PCF11: variants seen among roughly 807,000 people sequenced by gnomAD.
PCF11 encodes pre-mRNA cleavage complex 2 protein Pcf11.
PCF11 carries 19 observed loss-of-function variants against 166.1 expected under a neutral mutation model. The ratio of observed to expected loss-of-function variants is 0.11; its 90% confidence interval spans 0.08 to 0.17. The LOEUF is 0.17. Ranked by LOEUF, PCF11 falls within the 10% of genes least tolerant of loss-of-function variation. The pLI, the probability that PCF11 is intolerant of heterozygous loss-of-function variation, is 1.00. For synonymous variants in PCF11, 663 were observed against 644.1 expected, an observed-to-expected ratio of 1.03 and a Z score of -0.44; for missense variants, 1,565 against 1,855.5, an observed-to-expected ratio of 0.84 and a Z score of 2.88.
intron 9 of PCF11, among the ~76,000 whole-genome samples, chr11:83,172,483 T>C (rs1590931636): frequency 6.6e-6 from 1 of 152,134 alleles, no homozygotes; most frequent in African/African-American, 2.4e-5. Flanking sequence ...AGTGCAGTAG[T>C]GTCATATTGC....
chr11:83,166,473 G>A (rs1428936386), exon 5 of PCF11: 2 of 1,613,980 alleles, frequency 1.2e-6, no homozygotes, highest in South Asian at 1.1e-5. Flanking sequence ...CCAATCTGGA[G>A]CTAAGCAGTC....
rs184396015 is a variant in PCF11, at chr11:83,166,191, G to A, written c.1294G>A (p.Asp432Asn). The A allele has an allele frequency of 4.3e-6, 7 of 1,610,526 alleles. No homozygotes were observed. The African/African-American group carries it at 5.4e-5, about 12-fold the overall frequency. The change falls in exon 5 of 16, where the codon GAT becomes AAT. Residue 432 changes from aspartate (D) to asparagine (N), a missense_variant. Around this residue, in one of 12 missense-constraint regions of PCF11, gnomAD observed 468 missense variants for 483.4 expected, o/e 0.97. Transcript: ENST00000298281. The stretch of plus-strand genomic sequence containing the variant: ...AAAAACTGCAGAAAAAAAGGATAAA[G>A]ATGAGCACATGAAGTCATCCGAACA...
exon 16 of PCF11, chr11:83,185,202 A>G (rs1227124764): frequency 5.0e-6 from 1 of 198,674 alleles, no homozygotes; most frequent in Non-Finnish European, 1.0e-5. Context: ...TATTTTTGCT[A>G]TTCATGGAGT....
At chr11:83,171,150 T>G (rs1210220513) in intron 8 of PCF11, 1 of 341,858 alleles carries the variant, frequency 2.9e-6, no homozygotes, top group East Asian at 8.1e-5. Flanking sequence ...ATGCTGTATT[T>G]GTATGCCAGT....
Position 83,167,588 on chromosome 11 carries a change from T to A in PCF11, c.2092+83T>A. ...AAAAGAAACCTCTCTTATCTGATGCTGAATTAACCTACTATGAACATAAAG... is the reference window on the plus strand; with the variant it reads ...AAAAGAAACCTCTCTTATCTGATGCAGAATTAACCTACTATGAACATAAAG... On this transcript the variant is annotated intron_variant, in intron 7 of 15. Coordinates refer to ENST00000298281, the Ensembl canonical transcript of PCF11. The surrounding 1 kb of genome is among the most constrained non-coding windows in gnomAD (Gnocchi z 4.2). The A allele has an allele frequency of 6.5e-7, 1 of 1,548,784 alleles. No individual in the cohort carries two copies. The highest frequency in any genetic ancestry group is 8.7e-7 in the Non-Finnish European group (1 of 1,147,318).
At chr11:83,186,462 C>T (rs939842077) in exon 16 of PCF11, 59 of 152,312 alleles carry the variant, frequency 3.9e-4, no homozygotes, top group African/African-American at 1.4e-3. Flanking sequence ...GTTTCGAATT[C>T]CTGGGCTCAA....
intron 2 of PCF11, among the ~76,000 whole-genome samples, chr11:83,161,663 A>G (rs1860258691): frequency 6.6e-6 from 1 of 152,212 alleles, no homozygotes; most frequent in Non-Finnish European, 1.5e-5. Context: ...TTATCCATTT[A>G]AGAATAGATG....
Position 83,167,133 on chromosome 11 carries a change from A to G in PCF11, c.1826A>G (p.Gln609Arg). The G allele has an allele frequency of 6.2e-7, 1 of 1,610,512 alleles. No individual in the cohort carries two copies. The highest frequency in any genetic ancestry group is 8.5e-7 in the Non-Finnish European group (1 of 1,177,966). ...TGCTTTTATGGTTTCAGCTTACAACAGGTTGATGAACATAGTAAACCTCCT... is the reference window on the plus strand; with the variant it reads ...TGCTTTTATGGTTTCAGCTTACAACGGGTTGATGAACATAGTAAACCTCCT... Residue 609 changes from glutamine to arginine, a missense_variant, in exon 6 of 16, where the codon CAG becomes CGG. This residue lies in a region of PCF11 where 468 missense variants were observed against 483.4 expected (regional missense o/e 0.97). Transcript: ENST00000298281. The surrounding 1 kb of genome is among the most constrained non-coding windows in gnomAD (Gnocchi z 4.2).
At chr11:83,173,947 C>T (rs1483512555) in intron 9 of PCF11, among the ~76,000 whole-genome samples, 1 of 151,844 alleles carries the variant, frequency 6.6e-6, no homozygotes, top group Non-Finnish European at 1.5e-5. Flanking sequence ...GTCAGGGTGG[C>T]TTGAATCCTG....
exon 5 of PCF11, chr11:83,165,628 C>T (rs1322223056): frequency 6.2e-7 from 1 of 1,612,112 alleles, no homozygotes. Context: ...CAGCAGGAAA[C>T]ATCCAATTTA....
At chr11:83,166,489 T>C (rs1337654642) in exon 5 of PCF11, 36 of 1,613,848 alleles carry the variant, frequency 2.2e-5, no homozygotes, top group Admixed American at 3.3e-5. Flanking sequence ...CAGTCACATA[T>C]GGAAGAGTTT....
chr11:83,182,966 T>C (rs1280837871), intron 14 of PCF11, 72 bp from the exon 15 acceptor site: 20 of 949,462 alleles, frequency 2.1e-5, no homozygotes, highest in Non-Finnish European at 3.2e-5. Flanking sequence ...TGGCTTAAAG[T>C]TAAAAAGAAA....
chr11:83,168,687 C>T (rs1220161913), exon 8 of PCF11: 7 of 1,613,820 alleles, frequency 4.3e-6, no homozygotes, highest in South Asian at 1.1e-5. Flanking sequence ...ATGGACCTCC[C>T]ACACCAGCTT....
intron 11 of PCF11, among the ~76,000 whole-genome samples, chr11:83,178,769 C>T (rs1209892699): frequency 1.3e-5 from 2 of 150,898 alleles, no homozygotes; most frequent in African/African-American, 2.4e-5. Flanking sequence ...GCCGAGATAA[C>T]GCCACTGCAC....
chr11:83,180,884 C>A (rs529210342), intron 11 of PCF11, 124 bp from the exon 12 acceptor site: 81 of 539,966 alleles, frequency 1.5e-4, no homozygotes, highest in African/African-American at 1.4e-3. Flanking sequence ...TGGGTATTAA[C>A]TGTTTCAGCC....
intron 1 of PCF11, chr11:83,157,956 G>A (rs1362583792): frequency 1.1e-5 from 3 of 267,798 alleles, no homozygotes; most frequent in African/African-American, 2.2e-5. Flanking sequence ...TGTGGTTTGG[G>A]GAAGTAAGAG....
In PCF11 at chr11:83,183,078, G is replaced by T; in HGVS notation, c.4452+5G>T. The T allele has an allele frequency of 6.9e-7, 1 of 1,452,034 alleles. No homozygotes were observed. Among genetic ancestry groups the T allele is most frequent in the Non-Finnish European group, 9.5e-7 (1 of 1,057,378 alleles). 89.9% of individuals were successfully genotyped at this position (1,452,034 alleles called of 1,614,324 possible). A position where few individuals can be genotyped will look rare whatever the true frequency, so the allele number is the denominator to read the frequency against. On this transcript the variant is annotated splice_donor_5th_base_variant and intron_variant, in intron 15 of 15. Coordinates refer to ENST00000298281, the Ensembl canonical transcript of PCF11. ...TGTTATGAAGATTATCAAAATGTAA[G>T]TTCTTTTTGGTTACTGTATTTGTTC... is the stretch of plus-strand genomic sequence containing the variant.
chr11:83,157,493 C>T, exon 1 of PCF11: 1 of 1,613,612 alleles, frequency 6.2e-7, no homozygotes, highest in South Asian at 1.1e-5. Context: ...GGGAGGACGC[C>T]TGTCGGGATT....
chr11:83,169,879 C>T (rs1860622296), exon 8 of PCF11: 1 of 1,613,156 alleles, frequency 6.2e-7, no homozygotes, highest in Non-Finnish European at 8.5e-7. Context: ...CTCTAATCCA[C>T]TTAACAGAGC....
Sources: gnomAD v4.1 joint callset for allele counts (sites outside exome capture counted in the v4.1 genomes callset) on GRCh38, gnomAD v4.1.1 for gene constraint, gnomAD v4.1.1 regional missense constraint, Gnocchi (gnomAD v3.1) non-coding constraint, MANE v1.5 for transcripts, NCBI Gene and HGNC (gene_info 2026-07-23, HGNC 2026-07-21) for gene names.